Variants in TMEM156 observed in about 807,000 individuals in gnomAD.
TMEM156 encodes the protein transmembrane protein 156.
Under a neutral mutation model 30.5 loss-of-function variants are expected in TMEM156, and 28 were observed. The observed-to-expected ratio is 0.92, with a 90% CI of 0.68 to 1.26. The LOEUF is 1.26. Among genes scored for constraint, TMEM156 ranks in the 50% most tolerant of loss-of-function variants. The pLI is 0.00. For synonymous variants in TMEM156, 137 were observed against 119.9 expected (o/e 1.14, Z -0.93); for missense variants, 351 against 340.6 (o/e 1.03, Z -0.24).
chr4:39,025,880 C>CTT (rs1715171550), intron 1 of TMEM156, among the ~76,000 whole-genome samples: 1 of 152,170 alleles, frequency 6.6e-6, no homozygotes, highest in Non-Finnish European at 1.5e-5. Context: ...ATGAGGATAA[C>CTT]ACTTGGCCTG....
chr4:39,015,715 A>C (rs1042625812), intron 1 of TMEM156, among the ~76,000 whole-genome samples: 12 of 152,042 alleles, frequency 7.9e-5, no homozygotes, highest in African/African-American at 2.9e-4. Flanking sequence ...CCCCACCCAA[A>C]TCTCATCTTG....
intron 1 of TMEM156, among the ~76,000 whole-genome samples, chr4:39,013,062 G>A (rs905092421): frequency 1.3e-5 from 2 of 152,126 alleles, no homozygotes; most frequent in African/African-American, 2.4e-5. Context: ...ACTCTGGGAG[G>A]CTACTGTGGG....
chr4:38,968,326 T>C (rs1203908393), intron 6 of TMEM156, among the ~76,000 whole-genome samples: 1 of 152,232 alleles, frequency 6.6e-6, no homozygotes. Context: ...CAAATCCTTA[T>C]TGAACATCTA....
Position 39,013,696 on chromosome 4 carries a change from G to T in TMEM156, c.89-14787C>A, listed in dbSNP as rs547621143. Among the ~76,000 whole-genome samples the T allele has an allele frequency of 2.0e-5, 3 of 151,976 alleles. No homozygotes were observed. In the South Asian group the frequency reaches 6.2e-4, roughly 32 times the overall value. ...ATTACAGTCATGAGCCATCGCGCCC[G>T]GCCAATTGTTATAATTATTTACAGA... On this transcript the variant is annotated intron_variant, in intron 1 of 6. Coordinates refer to ENST00000381938, the MANE Select transcript of TMEM156 (RefSeq NM_024943.3).
chr4:38,971,223 G>T, intron 5 of TMEM156, 86 bp from the exon 6 acceptor site: 1 of 1,276,932 alleles, frequency 7.8e-7, no homozygotes. Flanking sequence ...AGAGTAGCAA[G>T]AGAAGCATGC....
intron 5 of TMEM156, among the ~76,000 whole-genome samples, chr4:38,978,928 T>C (rs1361745803): frequency 2.0e-5 from 3 of 152,156 alleles, no homozygotes; most frequent in Non-Finnish European, 4.4e-5. Context: ...ATTACAGGTG[T>C]GAGCCACCAC....
At chr4:39,001,067 A>G (rs866751792) in intron 1 of TMEM156, among the ~76,000 whole-genome samples, 3 of 151,988 alleles carry the variant, frequency 2.0e-5, no homozygotes, top group South Asian at 4.1e-4. Flanking sequence ...TAGGCAACCT[A>G]TCTTTCAGAA....
At chr4:38,997,949 G>C (rs2109973073) in intron 2 of TMEM156, among the ~76,000 whole-genome samples, 1 of 152,302 alleles carries the variant, frequency 6.6e-6, no homozygotes, top group South Asian at 2.1e-4. Flanking sequence ...TGTTAAGCAG[G>C]AGTAGGTATA....
intron 1 of TMEM156, among the ~76,000 whole-genome samples, chr4:39,009,784 C>T (rs186602059): frequency 3.8e-4 from 58 of 152,120 alleles, no homozygotes; most frequent in African/African-American, 1.3e-3. Context: ...AGCTTACAGC[C>T]AACATTGTAC....
chr4:38,967,794 A>G (rs1291208565), intron 6 of TMEM156, among the ~76,000 whole-genome samples, 153 bp from the exon 7 acceptor site: 1 of 152,262 alleles, frequency 6.6e-6, no homozygotes, highest in Non-Finnish European at 1.5e-5. Context: ...TCTCTGATTC[A>G]GGGCTCTTTC....
Sources: allele counts gnomAD v4.1 joint callset (sites outside exome capture counted in the v4.1 genomes callset), GRCh38; gene constraint gnomAD v4.1.1; transcripts MANE v1.5; gene names NCBI Gene and HGNC (gene_info 2026-07-23, HGNC 2026-07-21).